The following SLC15A2 variants were observed in gnomAD, a reference collection of about 807,000 sequenced individuals.
The protein encoded by SLC15A2 is kidney H(+)/peptide cotransporter.
A neutral mutation model predicts 95.5 loss-of-function variants in SLC15A2; 77 were observed. The observed-to-expected ratio is 0.81, with a 90% CI of 0.67 to 0.97. The LOEUF is 0.97. Ranked by LOEUF, SLC15A2 falls within the 50% of genes least tolerant of loss-of-function variation. The probability of loss-of-function intolerance (pLI) is 0.00; values close to 1 mark genes in which losing one functional copy is unlikely to be tolerated. For synonymous variants in SLC15A2, 306 were observed against 306.9 expected (o/e 1.00, Z 0.03); for missense variants, 893 against 874.4 (o/e 1.02, Z -0.27).
rs1341709318 is a variant in SLC15A2 at position 121,928,497 on chromosome 3, T to A, written c.1283T>A (p.Val428Glu). 1.2e-6 allele frequency: 2 copies of A among 1,614,066 alleles called. No homozygotes were observed. Among genetic ancestry groups the A allele is most frequent in the Admixed American group, 3.3e-5 (2 of 60,018 alleles). Residue 428 changes from valine (V) to glutamate (E), a missense_variant, in exon 15 of 22, where the codon GTG becomes GAG. Transcript: ENST00000489711. ...AATCTGGCAGATGATGAGGTGAAGG[T>A]GACAGTGGTGGGAAATGAAAACAAT... is the stretch of plus-strand genomic sequence containing the variant. ...VLNLADDEVKVTVVGNENNSL... is the reference protein window; with the variant it reads ...VLNLADDEVKETVVGNENNSL...
intron 19 of SLC15A2, among the ~76,000 whole-genome samples, chr3:121,938,746 A>C (rs9868185): frequency 1.3e-5 from 2 of 151,974 alleles, no homozygotes; most frequent in Non-Finnish European, 2.9e-5. Context: ...CACGCTGGGA[A>C]CTGTAGACCG....
chr3:121,904,108 A>G (rs533865324), intron 3 of SLC15A2, among the ~76,000 whole-genome samples: 8 of 152,158 alleles, frequency 5.3e-5, no homozygotes, highest in South Asian at 4.2e-4. Flanking sequence ...TTCTCTTTGT[A>G]GCAATTGTGG....
chr3:121,917,454 C>T (rs1044027197), intron 7 of SLC15A2, among the ~76,000 whole-genome samples: 12 of 152,038 alleles, frequency 7.9e-5, no homozygotes, highest in African/African-American at 2.9e-4. Flanking sequence ...TTTGGGAGGC[C>T]GAGGCAGGAG....
In SLC15A2 at chr3:121,927,798, C is replaced by T. The variant is rs955414894; in HGVS notation, c.1165C>T (p.Leu389=). The T allele has an allele frequency of 1.2e-6, 2 of 1,613,940 alleles. No homozygotes were observed. The highest frequency in any genetic ancestry group is 1.7e-6 in the Non-Finnish European group (2 of 1,179,854). ...KMAVGMILAC[L]AFAVAAAVEI... ...GGCTGTTGGTATGATCCTAGCATGC[C>T]TGGCATTTGCAGTTGCGGCAGCTGT... The change falls in exon 14 of 22, where the codon CTG becomes TTG. Residue 389 remains leucine (L), a synonymous_variant. Transcript: ENST00000489711.
In SLC15A2 at chr3:121,897,436, C is replaced by T. The variant is rs1709438825; in HGVS notation, c.242C>T (p.Thr81Ile). Reference protein sequence around the residue: ...FLYFLHWNEDTSTSIYHAFSS... With the variant: ...FLYFLHWNEDISTSIYHAFSS... ...TATTTCCTGCACTGGAATGAAGATA[C>T]CTCCACATCTATATACCATGCCTTC... The change falls in exon 3 of 22, where the codon ACC becomes ATC. Residue 81 changes from threonine to isoleucine, a missense_variant. Thr to Ile is a moderately conservative substitution (Grantham distance 89, BLOSUM62 -1). Transcript: ENST00000489711. The T allele has an allele frequency of 6.2e-7, 1 of 1,613,980 alleles. No homozygotes were observed. The highest frequency in any genetic ancestry group is 1.3e-5 in the African/African-American group (1 of 74,886).
intron 4 of SLC15A2, among the ~76,000 whole-genome samples, chr3:121,911,950 A>G (rs1709776267): frequency 6.6e-6 from 1 of 152,122 alleles, no homozygotes; most frequent in African/African-American, 2.4e-5. Flanking sequence ...TCATCCATGC[A>G]TCTATACTTT....
chr3:121,927,921 C>G (rs1266699808), intron 14 of SLC15A2, 82 bp downstream of exon 14: 9 of 1,005,320 alleles, frequency 9.0e-6, no homozygotes. Flanking sequence ...AGTCATGATT[C>G]CCTGGGACCT....
chr3:121,924,457 A>G (rs1710072009), intron 12 of SLC15A2, 74 bp downstream of exon 12: 2 of 1,246,302 alleles, frequency 1.6e-6, no homozygotes, highest in African/African-American at 1.5e-5. Context: ...TATTACGATT[A>G]ACAACCATAA....
chr3:121,897,294 T>C, intron 2 of SLC15A2, 94 bp from the exon 3 acceptor site: 1 of 1,484,116 alleles, frequency 6.7e-7, no homozygotes, highest in Non-Finnish European at 9.1e-7. Context: ...AATCACATTA[T>C]AAAGACCAGA....
At position 121,934,876 on chromosome 3, in the gene SLC15A2, T is replaced by A. The variant is rs1224416848; in HGVS notation, c.1761+3141T>A. ...AGGGAATGCTTCCAGTTTTTGCCCATTCAGTATGATATTGGCTGTGGGTTT... is the reference window on the plus strand; with the variant it reads ...AGGGAATGCTTCCAGTTTTTGCCCAATCAGTATGATATTGGCTGTGGGTTT... On this transcript the variant is annotated intron_variant, in intron 19 of 21. Transcript: ENST00000489711. Among the ~76,000 whole-genome samples, 56 of 151,900 alleles carry A rather than the reference T, an allele frequency of 3.7e-4. No individual in the cohort carries two copies. In the South Asian group the frequency reaches 0.011, roughly 30 times the overall value.
intron 3 of SLC15A2, among the ~76,000 whole-genome samples, chr3:121,907,056 C>T (rs993684316): frequency 6.6e-6 from 1 of 152,194 alleles, no homozygotes; most frequent in African/African-American, 2.4e-5. Context: ...TTTCTTTTTA[C>T]TCTTTTTTCT....
intron 1 of SLC15A2, among the ~76,000 whole-genome samples, chr3:121,896,096 C>T (rs1199451076): frequency 1.3e-5 from 2 of 152,206 alleles, no homozygotes; most frequent in Non-Finnish European, 2.9e-5. Flanking sequence ...CACCATTCTT[C>T]TGCCCCAGAG....
intron 5 of SLC15A2, 69 bp downstream of exon 5, chr3:121,913,189 G>C: frequency 1.7e-6 from 2 of 1,207,968 alleles, no homozygotes; most frequent in South Asian, 1.2e-5. Context: ...CTGGCAGGTA[G>C]CCATTTGCCA....
At chr3:121,923,989 G>A (rs144896633) in intron 11 of SLC15A2, among the ~76,000 whole-genome samples, 2 of 152,212 alleles carry the variant, frequency 1.3e-5, no homozygotes, top group African/African-American at 4.8e-5. Context: ...ATGTGTCAGG[G>A]AGAGTCTTCA....
chr3:121,943,914 T>C lies in SLC15A2; in HGVS notation c.*2907T>C, dbSNP rs1710504329. On this transcript the variant is annotated 3_prime_UTR_variant, in exon 22 of 22. Coordinates refer to ENST00000489711, the MANE Select transcript of SLC15A2 (RefSeq NM_021082.4). Reference sequence around the variant, plus strand: ...TTTTATACTTAAACATATCTAAACATAGAAACGGTACAAAAAACTTTACAC... The same window carrying C: ...TTTTATACTTAAACATATCTAAACACAGAAACGGTACAAAAAACTTTACAC... 6.6e-6 allele frequency: 1 copy of C among 152,208 alleles called. No individual in the cohort carries two copies. The highest frequency in any genetic ancestry group is 6.5e-5 in the Admixed American group (1 of 15,280). The allele number at this position is 152,208 out of a possible 1,614,324, so 9.4% of individuals were successfully genotyped here. A position where few individuals can be genotyped will look rare whatever the true frequency, so the allele number is the denominator to read the frequency against.
rs1710438539 is a variant in SLC15A2, at chr3:121,940,432, A to G, written c.1957A>G (p.Ile653Val). 1.2e-6 allele frequency: 2 copies of G among 1,613,970 alleles called. No individual in the cohort carries two copies. The highest frequency in any genetic ancestry group is 1.7e-5 in the Admixed American group (1 of 59,990). ...GCTCCAGGCAGCTTGGCTATTGACA[A>G]TTGCAGTTGGGAATATCATCGTGCT... ...SVLQAAWLLTIAVGNIIVLVV... is the reference protein window; with the variant it reads ...SVLQAAWLLTVAVGNIIVLVV... The change falls in exon 21 of 22, where the codon ATT becomes GTT. Residue 653 changes from isoleucine to valine, a missense_variant. Coordinates refer to ENST00000489711, the MANE Select transcript of SLC15A2 (RefSeq NM_021082.4).
At chr3:121,915,475 T>C (rs1466881606) in intron 6 of SLC15A2, 141 bp from the exon 7 acceptor site, 1 of 791,098 alleles carries the variant, frequency 1.3e-6, no homozygotes, top group African/African-American at 1.7e-5. Flanking sequence ...AGAAGAACTA[T>C]GGATTAGGTG....
At chr3:121,908,487 G>A (rs79474276) in intron 3 of SLC15A2, among the ~76,000 whole-genome samples, 4,221 of 152,294 alleles carry the variant, frequency 0.028, 71 homozygotes, top group Non-Finnish European at 0.042. Flanking sequence ...GCTACAGACC[G>A]GAGTGGTTCG....
At chr3:121,934,028 C>T (rs1710287084) in intron 19 of SLC15A2, among the ~76,000 whole-genome samples, 1 of 151,580 alleles carries the variant, frequency 6.6e-6, no homozygotes, top group Non-Finnish European at 1.5e-5. Context: ...GAATCCTTTC[C>T]CCATTGCTTG....
Sources: gnomAD v4.1 joint callset for allele counts (sites outside exome capture counted in the v4.1 genomes callset) on GRCh38, gnomAD v4.1.1 for gene constraint, MANE v1.5 for transcripts, NCBI Gene and HGNC (gene_info 2026-07-23, HGNC 2026-07-21) for gene names.